The following PPP1CC variants were observed in gnomAD, a reference collection of about 807,000 sequenced individuals.
PPP1CC encodes protein phosphatase 1 catalytic subunit gamma.
PPP1CC carries 16 observed loss-of-function variants against 38.4 expected under a neutral mutation model. That is an observed-to-expected ratio of 0.42 (90% confidence interval 0.28 to 0.63). The LOEUF (loss-of-function observed/expected upper bound fraction) is 0.63. Ranked by LOEUF, PPP1CC falls within the 30% of genes least tolerant of loss-of-function variation. PPP1CC has a pLI of 0.25. For synonymous variants in PPP1CC, 158 were observed against 136.0 expected, an observed-to-expected ratio of 1.16 and a Z score of -1.13; for missense variants, 170 against 391.3, an observed-to-expected ratio of 0.43 and a Z score of 4.77.
rs778136398 is a variant in PPP1CC at position 110,722,087 on chromosome 12, C to T, written c.882+48G>A. 2.5e-6 allele frequency: 4 copies of T among 1,602,562 alleles called. No homozygotes were observed. Among genetic ancestry groups the T allele is most frequent in the South Asian group, 1.1e-5 (1 of 89,822 alleles). The stretch of plus-strand genomic sequence containing the variant: ...AGTAGCAATTATATTTTTCAATCAG[C>T]AAAGTGTAAACATATTAAAAGGAAA... On this transcript the variant is annotated intron_variant, in intron 6 of 6. Coordinates refer to ENST00000335007, the MANE Select transcript of PPP1CC (RefSeq NM_002710.4). The surrounding 1 kb of genome is among the most constrained non-coding windows in gnomAD (Gnocchi z 5.4).
intron 3 of PPP1CC, among the ~76,000 whole-genome samples, chr12:110,727,303 G>T (rs946855900): frequency 6.6e-6 from 1 of 152,156 alleles, no homozygotes; most frequent in Non-Finnish European, 1.5e-5. Flanking sequence ...GATTCCTGCT[G>T]GCTTCTCCAT....
chr12:110,711,789 G>A, the PPP1CC span, among the ~76,000 whole-genome samples: 34 of 152,156 alleles, frequency 2.2e-4, no homozygotes, highest in Middle Eastern at 3.4e-3. Context: ...GCTGGGCGTG[G>A]TGGTGCATGC....
chr12:110,730,830 G>T (rs575455000), intron 2 of PPP1CC, 71 bp from the exon 3 acceptor site: 2 of 1,035,950 alleles, frequency 1.9e-6, no homozygotes, highest in Non-Finnish European at 1.4e-6. Context: ...GCTTTGGAAA[G>T]ACATTCTTTA....
intron 3 of PPP1CC, among the ~76,000 whole-genome samples, chr12:110,729,526 A>G (rs1225113931): frequency 2.0e-5 from 3 of 152,176 alleles, no homozygotes; most frequent in Non-Finnish European, 4.4e-5. Flanking sequence ...TGTTTTGTCA[A>G]TAGTCAAATC....
intron 1 of PPP1CC, chr12:110,732,765 C>CT (rs1224987892): frequency 1.3e-5 from 2 of 152,198 alleles, no homozygotes; most frequent in African/African-American, 4.8e-5. Context: ...CACCAGAGCA[C>CT]TTAGGGTTCT....
At chr12:110,731,039 C>T (rs2069865904) in intron 2 of PPP1CC, among the ~76,000 whole-genome samples, 3 of 152,168 alleles carry the variant, frequency 2.0e-5, no homozygotes, top group Admixed American at 2.0e-4. Flanking sequence ...TATGTCCAAG[C>T]ATGCATTCTT....
intron 3 of PPP1CC, among the ~76,000 whole-genome samples, chr12:110,729,944 CA>C (rs1215485560): frequency 6.6e-6 from 1 of 152,186 alleles, no homozygotes. Flanking sequence ...TCTGTGAATA[CA>C]ACAATTTAAA....
chr12:110,725,319 T>A (rs1296582459), intron 3 of PPP1CC: 3 of 152,332 alleles, frequency 2.0e-5, no homozygotes, highest in Admixed American at 6.5e-5. Flanking sequence ...AACTTACACA[T>A]GTGGCGTTAT....
the PPP1CC span, among the ~76,000 whole-genome samples, chr12:110,710,277 T>C: frequency 6.6e-6 from 1 of 152,328 alleles, no homozygotes; most frequent in East Asian, 1.9e-4. Context: ...GTGCAGTGGC[T>C]CAGGCCTGTA....
chr12:110,722,569 C>T lies in PPP1CC; in HGVS notation c.650G>A (p.Gly217Asp). ...GAAGGACACTCCTCTGTCATTTTCA[C>T]CCCAGCCTAAGACATCTTTATCGGG... is the stretch of plus-strand genomic sequence containing the variant. Reference protein sequence around the residue: ...SDPDKDVLGWGENDRGVSFTF... With the variant: ...SDPDKDVLGWDENDRGVSFTF... Residue 217 changes from glycine (G) to aspartate (D), a missense_variant, in exon 5 of 7, where the codon GGT becomes GAT. Gly to Asp is a moderately conservative substitution (Grantham distance 94). Around this residue, in one of 3 missense-constraint regions of PPP1CC, gnomAD observed 117 missense variants for 344.4 expected, o/e 0.34. Transcript: ENST00000335007. This position sits in a 1 kb window ranked among gnomAD's most constrained non-coding sequence, Gnocchi z 5.4. 1 of 1,614,166 alleles carries T rather than the reference C, an allele frequency of 6.2e-7. No homozygotes were observed. Among genetic ancestry groups the T allele is most frequent in the South Asian group, 1.1e-5 (1 of 91,082 alleles).
At chr12:110,713,817 A>G in the PPP1CC span, among the ~76,000 whole-genome samples, 1 of 152,168 alleles carries the variant, frequency 6.6e-6, no homozygotes, top group Non-Finnish European at 1.5e-5. Flanking sequence ...ACTTTCTCAA[A>G]ACTTTCATTC....
At chr12:110,721,627 G>A (rs2069740079) in intron 6 of PPP1CC, 1 of 168,926 alleles carries the variant, frequency 5.9e-6, no homozygotes, top group African/African-American at 2.4e-5. Context: ...TTATGACTAG[G>A]CTGGCTTGAA....
downstream of PPP1CC, among the ~76,000 whole-genome samples, chr12:110,714,805 C>CAAAAAAAAA (rs1164975036): frequency 9.1e-5 from 2 of 22,068 alleles, no homozygotes; most frequent in Non-Finnish European, 1.6e-4. Context: ...GACTCTGTCT[C>CAAAAAAAAA]AAAAAAAAAA....
At chr12:110,712,490 A>C in the PPP1CC span, among the ~76,000 whole-genome samples, 3 of 151,140 alleles carry the variant, frequency 2.0e-5, no homozygotes, top group Non-Finnish European at 2.9e-5. Context: ...AAATACAAAA[A>C]TTAGCCACGT....
intron 3 of PPP1CC, chr12:110,726,083 C>CA (rs1212615235): frequency 1.3e-5 from 2 of 152,310 alleles, no homozygotes; most frequent in Non-Finnish European, 2.9e-5. Flanking sequence ...ACAAAACAAA[C>CA]AAAACAAACC....
chr12:110,727,150 C>T (rs1160698584), intron 3 of PPP1CC, among the ~76,000 whole-genome samples: 1 of 152,182 alleles, frequency 6.6e-6, no homozygotes, highest in Non-Finnish European at 1.5e-5. Context: ...GTCAGACCTC[C>T]TGACCTCTTG....
the PPP1CC span, among the ~76,000 whole-genome samples, chr12:110,711,388 A>G: frequency 6.6e-6 from 1 of 151,274 alleles, no homozygotes; most frequent in South Asian, 2.1e-4. Flanking sequence ...GTTTCTATAA[A>G]AATAAATAAA....
rs144143858 is a variant in PPP1CC, at chr12:110,739,527, T to G, written c.55+3126A>C. Among the ~76,000 whole-genome samples the G allele has an allele frequency of 2.0e-3, 300 of 152,230 alleles. 2 individuals are homozygous for G. The highest frequency in any genetic ancestry group is 3.5e-3 in the Non-Finnish European group (238 of 68,016). The stretch of plus-strand genomic sequence containing the variant: ...GGGTTATTTAAACAATCTTAGAGTT[T>G]CAGAATATCTGAACACTCCCTACCT... On this transcript the variant is annotated intron_variant, in intron 1 of 6. Coordinates refer to ENST00000335007, the MANE Select transcript of PPP1CC (RefSeq NM_002710.4).
intron 3 of PPP1CC, 35 bp from the exon 4 acceptor site, chr12:110,724,799 G>A: frequency 1.6e-6 from 2 of 1,284,932 alleles, no homozygotes; most frequent in Non-Finnish European, 2.3e-6. Context: ...ATTAAAAAGA[G>A]AGTATTACTG....
Sources: allele counts gnomAD v4.1 joint callset (sites outside exome capture counted in the v4.1 genomes callset), GRCh38; gene constraint gnomAD v4.1.1; regional missense constraint gnomAD v4.1.1; non-coding constraint Gnocchi (gnomAD v3.1); transcripts MANE v1.5; gene names NCBI Gene and HGNC (gene_info 2026-07-23, HGNC 2026-07-21).